Variants in KCNQ2 observed in about 807,000 individuals in gnomAD.
KCNQ2 encodes the protein potassium voltage-gated channel subfamily Q member 2.
A neutral mutation model predicts 84.8 loss-of-function variants in KCNQ2; 14 were observed. That is an observed-to-expected ratio of 0.17 (90% CI 0.11 to 0.26). KCNQ2 has a LOEUF of 0.26. Among genes scored for constraint, KCNQ2 ranks in the 10% least tolerant of loss-of-function variants. The probability of loss-of-function intolerance (pLI) is 1.00; values close to 1 mark genes in which losing one functional copy is unlikely to be tolerated. For synonymous variants in KCNQ2, 599 were observed against 554.1 expected, an observed-to-expected ratio of 1.08 and a Z score of -1.14; for missense variants, 788 against 1,254.0, an observed-to-expected ratio of 0.63 and a Z score of 5.61.
Position 63,425,751 on chromosome 20 carries a change from A to C in KCNQ2, c.1218-1545T>G, listed in dbSNP as rs1228385801. Reference sequence around the variant, plus strand: ...AAAAAAAAGAAATCCCACCCATTCAAAACGTCCCAAATCCCATCCTCTGAA... The same window carrying C: ...AAAAAAAAGAAATCCCACCCATTCACAACGTCCCAAATCCCATCCTCTGAA... On this transcript the variant is annotated intron_variant, in intron 10 of 16. Coordinates refer to ENST00000359125, the MANE Select transcript of KCNQ2 (RefSeq NM_172107.4). This position sits in a 1 kb window ranked among gnomAD's most constrained non-coding sequence, Gnocchi z 5.5. 6.6e-6 allele frequency among the ~76,000 whole-genome samples: 1 copy of C among 152,102 alleles called. No homozygotes were observed. The highest frequency in any genetic ancestry group is 1.5e-5 in the Non-Finnish European group (1 of 68,010).
intron 11 of KCNQ2, among the ~76,000 whole-genome samples, chr20:63,422,087 G>A (rs989213848): frequency 1.3e-5 from 2 of 152,102 alleles, no homozygotes; most frequent in African/African-American, 2.4e-5. Flanking sequence ...CCTGCCATGC[G>A]GGGTGCGGGC....
At chr20:63,444,420 C>T (rs959010169) in intron 4 of KCNQ2, among the ~76,000 whole-genome samples, 3 of 152,144 alleles carry the variant, frequency 2.0e-5, no homozygotes, top group African/African-American at 7.2e-5. Context: ...CCTGGCCTTT[C>T]GAAAAAGCAG....
rs755843563 is a variant in KCNQ2 at position 63,424,212 on chromosome 20, A to G, written c.1218-6T>C. ...GCTCCGGCGGGGGGTCCTTCCTTCAAACAGAAGCAACAGAGAGTTAGTGGC... is the reference window on the plus strand; with the variant it reads ...GCTCCGGCGGGGGGTCCTTCCTTCAGACAGAAGCAACAGAGAGTTAGTGGC... On this transcript the variant is annotated splice_region_variant and splice_polypyrimidine_tract_variant and intron_variant, in intron 10 of 16. Coordinates refer to ENST00000359125, the MANE Select transcript of KCNQ2 (RefSeq NM_172107.4). 1.0e-5 allele frequency: 16 copies of G among 1,554,078 alleles called. No homozygotes were observed. The South Asian group carries it at 1.9e-4, about 18-fold the overall frequency.
Position 63,425,924 on chromosome 20 carries a change from A to C in KCNQ2, c.1218-1718T>G, listed in dbSNP as rs1186014749. Among the ~76,000 whole-genome samples the C allele has an allele frequency of 6.6e-6, 1 of 152,208 alleles. No individual in the cohort carries two copies. Among genetic ancestry groups the C allele is most frequent in the Non-Finnish European group, 1.5e-5 (1 of 68,036 alleles). On this transcript the variant is annotated intron_variant, in intron 10 of 16. Transcript: ENST00000359125. This position sits in a 1 kb window ranked among gnomAD's most constrained non-coding sequence, Gnocchi z 5.5. ...GCAGGACAGCTCTTCCCACTCAAAAAGGGAGAATGACAGAGGGGCCGCCGG... is the reference window on the plus strand; with the variant it reads ...GCAGGACAGCTCTTCCCACTCAAAACGGGAGAATGACAGAGGGGCCGCCGG...
Position 63,442,725 on chromosome 20 carries a change from T to TCACCACCACCACCACCACCACCATCAC in KCNQ2, c.691-195_691-194insGTGATGGTGGTGGTGGTGGTGGTGGTG, listed in dbSNP as rs1568934026. ...ATCACCATCACCACCACCACCACCA[T>TCACCACCACCACCACCACCACCATCAC]CATCACCACCTCCACCATCACCACC... On this transcript the variant is annotated intron_variant, in intron 4 of 16. Transcript: ENST00000359125. Among the ~76,000 whole-genome samples the TCACCACCACCACCACCACCACCATCAC allele has an allele frequency of 5.2e-4, 17 of 32,824 alleles. 2 individuals carry two copies. In the East Asian group the frequency reaches 0.01, roughly 20 times the overall value. The allele number at this position is 32,824 out of a possible 152,430, so 21.5% of individuals were successfully genotyped here. A position where few individuals can be genotyped will look rare whatever the true frequency, so the allele number is the denominator to read the frequency against.
chr20:63,432,009 C>CT (rs2080811134), intron 8 of KCNQ2, among the ~76,000 whole-genome samples: 2 of 142,524 alleles, frequency 1.4e-5, no homozygotes, highest in African/African-American at 2.6e-5. Flanking sequence ...CAGGGAAGGC[C>CT]CCATCCACAG....
Position 63,457,553 on chromosome 20 carries a change from CAG to C in KCNQ2, c.297-10718_297-10717del, listed in dbSNP as rs141267846. Among the ~76,000 whole-genome samples the C allele has an allele frequency of 8.6e-3, 1,316 of 152,384 alleles. 18 individuals are homozygous for C. Among genetic ancestry groups the C allele is most frequent in the African/African-American group, 0.03 (1,258 of 41,590 alleles). ...AACATCCTGGGCAGGGAGGCGCTCT[CAG>C]GGGGCTCTCGATGCCCCACACTGAC... is the stretch of plus-strand genomic sequence containing the variant. On this transcript the variant is annotated intron_variant, in intron 1 of 16. Coordinates refer to ENST00000359125, the MANE Select transcript of KCNQ2 (RefSeq NM_172107.4).
chr20:63,465,895 T>C (rs1017705054), intron 1 of KCNQ2, among the ~76,000 whole-genome samples: 32 of 152,182 alleles, frequency 2.1e-4, no homozygotes, highest in Admixed American at 7.2e-4. Flanking sequence ...GGCGGCCTCA[T>C]GGCTGGGCGC....
intron 1 of KCNQ2, chr20:63,471,833 T>TCCCTCCCCGGCCGG (rs2082223643): frequency 4.1e-6 from 1 of 244,298 alleles, no homozygotes; most frequent in Non-Finnish European, 7.7e-6. Flanking sequence ...GCTGCCGCCG[T>TCCCTCCCCGGCCGG]CCCTCCCCGG....
At chr20:63,440,199 G>T (rs1186929619) in intron 5 of KCNQ2, among the ~76,000 whole-genome samples, 1 of 152,150 alleles carries the variant, frequency 6.6e-6, no homozygotes, top group Non-Finnish European at 1.5e-5. Context: ...CCATGGCGGG[G>T]TGGGCTGCTC....
At chr20:63,428,315 C>A in intron 10 of KCNQ2, 52 bp downstream of exon 10, 1 of 1,417,714 alleles carries the variant, frequency 7.1e-7, no homozygotes, top group African/African-American at 1.4e-5. Context: ...CAGCTGGGGC[C>A]CCCAGGAGGA....
intron 11 of KCNQ2, among the ~76,000 whole-genome samples, chr20:63,419,882 C>T (rs2080413555): frequency 6.8e-6 from 1 of 146,598 alleles, no homozygotes. Context: ...GAAAAAAATC[C>T]CTGTTTTTTT....
intron 12 of KCNQ2, among the ~76,000 whole-genome samples, chr20:63,416,109 A>T (rs1424957460): frequency 6.6e-6 from 1 of 152,114 alleles, no homozygotes; most frequent in Admixed American, 6.5e-5. Flanking sequence ...GAAGGAATGG[A>T]TAACGGGGCT....
rs779824880 is a variant in KCNQ2 at position 63,445,305 on chromosome 20, G to C, written c.447C>G (p.Gly149=). Residue 149 remains glycine, a synonymous_variant, in exon 3 of 17, where the codon GGC becomes GGG. Transcript: ENST00000359125. Reference sequence around the variant, plus strand: ...TCCAGCCACGGTACCGGCAGCAGCAGCCTGCGGCCCAGATCCGCACGAAGT... The same window carrying C: ...TCCAGCCACGGTACCGGCAGCAGCACCCTGCGGCCCAGATCCGCACGAAGT... ...VEYFVRIWAA[G]CCCRYRGWRG... 1.9e-5 allele frequency: 30 copies of C among 1,613,810 alleles called. No individual in the cohort carries two copies. In the South Asian group the frequency reaches 3.3e-4, roughly 18 times the overall value.
At chr20:63,411,761 G>A (rs770231249) in intron 15 of KCNQ2, 18 of 597,168 alleles carry the variant, frequency 3.0e-5, no homozygotes, top group Non-Finnish European at 4.9e-5. Context: ...TCGGAGAGGC[G>A]CTGGCATCCT....
At chr20:63,458,011 G>C (rs2081849161) in intron 1 of KCNQ2, among the ~76,000 whole-genome samples, 1 of 152,106 alleles carries the variant, frequency 6.6e-6, no homozygotes, top group South Asian at 2.1e-4. Flanking sequence ...ACAGGTGCTG[G>C]ACAGAGACCC....
chr20:63,462,493 A>C (rs556099431), intron 1 of KCNQ2, among the ~76,000 whole-genome samples: 229 of 152,284 alleles, frequency 1.5e-3, no homozygotes, highest in Non-Finnish European at 2.8e-3. Flanking sequence ...CAGGCAGCCT[A>C]GAGTGGTGCC....
rs751010696 is a variant in KCNQ2, at chr20:63,413,589, G to C, written c.1632-8C>G. 1 of 1,611,052 alleles carries C rather than the reference G, an allele frequency of 6.2e-7. No homozygotes were observed. The highest frequency in any genetic ancestry group is 1.3e-5 in the African/African-American group (1 of 74,890). ...ACCAGGAACCGCATGACACTGCAGGGGGGTGGGTGGGGCTGTGAGCCCTGG... is the reference window on the plus strand; with the variant it reads ...ACCAGGAACCGCATGACACTGCAGGCGGGTGGGTGGGGCTGTGAGCCCTGG... On this transcript the variant is annotated splice_region_variant and splice_polypyrimidine_tract_variant and intron_variant, in intron 14 of 16. Coordinates refer to ENST00000359125, the MANE Select transcript of KCNQ2 (RefSeq NM_172107.4).
chr20:63,436,763 G>T (rs1222804459), intron 7 of KCNQ2, among the ~76,000 whole-genome samples: 2 of 148,802 alleles, frequency 1.3e-5, no homozygotes, highest in Non-Finnish European at 3.0e-5. Flanking sequence ...CTATGGCATG[G>T]TATAAACATA....
Sources: gnomAD v4.1 joint callset for allele counts (sites outside exome capture counted in the v4.1 genomes callset) on GRCh38, gnomAD v4.1.1 for gene constraint, Gnocchi (gnomAD v3.1) non-coding constraint, MANE v1.5 for transcripts, NCBI Gene and HGNC (gene_info 2026-07-23, HGNC 2026-07-21) for gene names.